The following LRRC39 variants were observed in gnomAD, a reference collection of about 807,000 sequenced individuals.
LRRC39 encodes the protein leucine rich repeat containing 39, also known as leucine-rich repeat-containing protein 39.
A neutral mutation model predicts 39.7 loss-of-function variants in LRRC39; 35 were observed. That is an observed-to-expected ratio of 0.88 (90% CI 0.67 to 1.17). The LOEUF (loss-of-function observed/expected upper bound fraction) is 1.17. LRRC39 is among the 50% of genes most tolerant of loss of function. LRRC39 has a pLI of 0.00. For synonymous variants in LRRC39, 113 were observed against 134.1 expected, an observed-to-expected ratio of 0.84 and a Z score of 1.09; for missense variants, 357 against 385.8, an observed-to-expected ratio of 0.93 and a Z score of 0.62.
Position 100,149,387 on chromosome 1 carries a change from C to T in LRRC39, c.953-290G>A, listed in dbSNP as rs759406944. ...TCACCTTCAAATTTCCAGAGCCATA[C>T]ATGTATATATTGTCAGAATCTGTCC... On this transcript the variant is annotated intron_variant, in intron 9 of 9. Coordinates refer to ENST00000370137, the MANE Select transcript of LRRC39 (RefSeq NM_144620.4). 13 of 1,546,110 alleles carry T rather than the reference C, an allele frequency of 8.4e-6. No homozygotes were observed. The African/African-American group carries it at 1.4e-4, about 16-fold the overall frequency.
intron 3 of LRRC39, among the ~76,000 whole-genome samples, chr1:100,167,127 G>A (rs986220803): frequency 1.3e-5 from 2 of 152,186 alleles, no homozygotes; most frequent in Non-Finnish European, 2.9e-5. Flanking sequence ...CCAATGAGAA[G>A]TGAAGGAGAG....
Position 100,160,449 on chromosome 1 carries a change from A to G in LRRC39, c.219+17T>C, listed in dbSNP as rs1210095238. On this transcript the variant is annotated intron_variant, in intron 4 of 9. Transcript: ENST00000370137. ...AAATGCAAAATGTGGAAAATCAAAT[A>G]TTCTATAAAAGCTTACCTTCCATTC... 1 of 1,597,934 alleles carries G rather than the reference A, an allele frequency of 6.3e-7. No individual in the cohort carries two copies. The highest frequency in any genetic ancestry group is 1.1e-5 in the South Asian group (1 of 90,190).
chr1:100,156,898 T>A (rs1658500545), intron 6 of LRRC39, among the ~76,000 whole-genome samples: 1 of 152,072 alleles, frequency 6.6e-6, no homozygotes, highest in African/African-American at 2.4e-5. Context: ...AGTGGGAGAA[T>A]TGCTTGGGCC....
At chr1:100,166,510 T>A (rs2101787955) in intron 3 of LRRC39, among the ~76,000 whole-genome samples, 1 of 152,326 alleles carries the variant, frequency 6.6e-6, no homozygotes, top group South Asian at 2.1e-4. Flanking sequence ...TCACTCTTGC[T>A]ATGTTTTAGC....
intron 2 of LRRC39, among the ~76,000 whole-genome samples, chr1:100,170,651 T>G (rs1659539894): frequency 6.6e-6 from 1 of 152,186 alleles, no homozygotes; most frequent in Non-Finnish European, 1.5e-5. Flanking sequence ...TTTTCTTTCT[T>G]TTTTATATCT....
upstream of LRRC39, among the ~76,000 whole-genome samples, chr1:100,178,559 C>T (rs1480817636): frequency 6.6e-6 from 1 of 151,998 alleles, no homozygotes; most frequent in Non-Finnish European, 1.5e-5. Context: ...ACCCAGTAAA[C>T]CATGGATCTG....
chr1:100,176,153 C>G (rs1282027253), intron 1 of LRRC39, among the ~76,000 whole-genome samples: 1 of 152,156 alleles, frequency 6.6e-6, no homozygotes, highest in Non-Finnish European at 1.5e-5. Flanking sequence ...AAAGCAATAG[C>G]TGGACATGGT....
chr1:100,173,013 G>A lies in LRRC39; in HGVS notation c.-79+318C>T, dbSNP rs1180992285. On this transcript the variant is annotated intron_variant, in intron 2 of 9. Coordinates refer to ENST00000370137, the MANE Select transcript of LRRC39 (RefSeq NM_144620.4). ...GTGAGCCAAGATCATGCCACTGCAC[G>A]CCAGCCTGGGTGACACAGCGAGAAT... Among the ~76,000 whole-genome samples the A allele has an allele frequency of 6.1e-5, 9 of 147,688 alleles. No homozygotes were observed. The South Asian group carries it at 6.4e-4, about 11-fold the overall frequency.
rs1213245622 is a variant in LRRC39, at chr1:100,160,390, AC to A, written c.219+75del. 27 of 1,053,410 alleles carry A rather than the reference AC, an allele frequency of 2.6e-5. No individual in the cohort carries two copies. In the Admixed American group the frequency reaches 3.7e-4, roughly 14 times the overall value. 65.3% of individuals were successfully genotyped at this position (1,053,410 alleles called of 1,614,324 possible). On this transcript the variant is annotated intron_variant, in intron 4 of 9. Transcript: ENST00000370137. ...TTCTAACTATTCTAGTCTTAATTAC[AC>A]AGTCTCAGAATCATTCTCTCAACTG...
At chr1:100,153,955 G>A (rs567243516) in intron 8 of LRRC39, among the ~76,000 whole-genome samples, 1 of 151,758 alleles carries the variant, frequency 6.6e-6, no homozygotes, top group South Asian at 2.1e-4. Context: ...GTTTCCCTTT[G>A]TGCTTATTTA....
intron 9 of LRRC39, chr1:100,149,552 G>T: frequency 1.0e-6 from 1 of 972,846 alleles, no homozygotes; most frequent in Non-Finnish European, 1.5e-6. Context: ...AATTTCTGAA[G>T]TTGATTAGCT....
intron 8 of LRRC39, among the ~76,000 whole-genome samples, chr1:100,154,284 A>G (rs1349693102): frequency 1.3e-5 from 2 of 152,186 alleles, no homozygotes; most frequent in Non-Finnish European, 2.9e-5. Flanking sequence ...TCAGTTATCA[A>G]AATTGTGGAT....
At chr1:100,149,200 T>G in intron 9 of LRRC39, 103 bp from the exon 10 acceptor site, 1 of 1,493,864 alleles carries the variant, frequency 6.7e-7, no homozygotes, top group Non-Finnish European at 8.9e-7. Context: ...TTTTATTTCT[T>G]AAGTTCAAGA....
chr1:100,174,136 A>G (rs181038529), intron 1 of LRRC39, among the ~76,000 whole-genome samples: 1 of 152,306 alleles, frequency 6.6e-6, no homozygotes, highest in Non-Finnish European at 1.5e-5. Flanking sequence ...CTCTTGCCAA[A>G]GAAAACTAGA....
At position 100,158,354 on chromosome 1, in the gene LRRC39, T is replaced by C. The variant is rs760447450; in HGVS notation, c.390A>G (p.Arg130=). Residue 130 remains arginine, a synonymous_variant, in exon 6 of 10, where the codon AGA becomes AGG. Coordinates refer to ENST00000370137, the MANE Select transcript of LRRC39 (RefSeq NM_144620.4). The part of the protein sequence containing the change: ...EIPPGIGLLT[R]LQELILSYNK... ...TGTAGCTGAGAATCAGTTCCTGAAG[T>C]CTAGTAAGCAGTCCTATAAAAAATA... The C allele has an allele frequency of 6.2e-7, 1 of 1,613,150 alleles. No individual in the cohort carries two copies. The highest frequency in any genetic ancestry group is 1.7e-5 in the Admixed American group (1 of 59,996).
At chr1:100,174,106 G>A (rs1013334489) in intron 1 of LRRC39, among the ~76,000 whole-genome samples, 3 of 152,100 alleles carry the variant, frequency 2.0e-5, no homozygotes, top group African/African-American at 7.2e-5. Context: ...CAATTCTAAG[G>A]ATACAAAATA....
chr1:100,159,759 G>A (rs1170145209), intron 4 of LRRC39, among the ~76,000 whole-genome samples: 2 of 151,622 alleles, frequency 1.3e-5, no homozygotes, highest in African/African-American at 4.8e-5. Flanking sequence ...ATATGTTATT[G>A]AAAATGAGAC....
At chr1:100,151,058 C>T (rs987536429) in intron 9 of LRRC39, among the ~76,000 whole-genome samples, 7 of 137,538 alleles carry the variant, frequency 5.1e-5, no homozygotes, top group East Asian at 4.3e-4. Context: ...ACCTGGGAGG[C>T]GAAATTTGCC....
Position 100,148,722 on chromosome 1 carries a change from C to T in LRRC39, c.*320G>A. The T allele has an allele frequency of 6.2e-7, 1 of 1,611,666 alleles. No individual in the cohort carries two copies. The highest frequency in any genetic ancestry group is 8.5e-7 in the Non-Finnish European group (1 of 1,178,260). On this transcript the variant is annotated 3_prime_UTR_variant, in exon 10 of 10. Coordinates refer to ENST00000370137, the MANE Select transcript of LRRC39 (RefSeq NM_144620.4). ...GTATTTGCAGCAGAAGGGATTCAGT[C>T]CTGCTTTGCAGTACTATACAGACCC...
Sources: gnomAD v4.1 joint callset for allele counts (sites outside exome capture counted in the v4.1 genomes callset) on GRCh38, gnomAD v4.1.1 for gene constraint, MANE v1.5 for transcripts, NCBI Gene and HGNC (gene_info 2026-07-23, HGNC 2026-07-21) for gene names.